The following KIF26B variants were observed in gnomAD, a reference collection of about 807,000 sequenced individuals.
KIF26B encodes the protein kinesin-like protein KIF26B.
In KIF26B, 63 loss-of-function variants were observed where a neutral mutation model predicts 151.2. That is an observed-to-expected ratio of 0.42 (90% CI 0.34 to 0.51). The LOEUF is 0.51. Ranked by LOEUF, KIF26B falls within the 20% of genes least tolerant of loss-of-function variation. The pLI is 0.07. For missense variants in KIF26B, 2,813 were observed against 2,913.6 expected (o/e 0.97, Z 0.79); for synonymous variants, 1,357 against 1,262.1 (o/e 1.08, Z -1.59).
chr1:245,319,167 A>G (rs1671836677), intron 2 of KIF26B, among the ~76,000 whole-genome samples: 1 of 152,226 alleles, frequency 6.6e-6, no homozygotes, highest in Non-Finnish European at 1.5e-5. Context: ...TATACAAGCC[A>G]TGTATATGTG....
intron 2 of KIF26B, among the ~76,000 whole-genome samples, chr1:245,238,288 A>G (rs1051550826): frequency 3.9e-5 from 6 of 152,074 alleles, no homozygotes; most frequent in African/African-American, 1.2e-4. Flanking sequence ...GTGAGCCGAG[A>G]TCGCACCACT....
chr1:245,157,124 C>T (rs1451721608), intron 2 of KIF26B, among the ~76,000 whole-genome samples: 6 of 152,182 alleles, frequency 3.9e-5, no homozygotes, highest in Non-Finnish European at 8.8e-5. Context: ...GTTTGTGGTC[C>T]ATCCTTTCCG....
At chr1:245,620,984 G>A (rs554187933) in intron 9 of KIF26B, among the ~76,000 whole-genome samples, 59 of 152,192 alleles carry the variant, frequency 3.9e-4, no homozygotes, top group African/African-American at 1.4e-3. Context: ...TCTTATGCAG[G>A]TGACCCAGAG....
rs1233138941 is a variant in KIF26B, at chr1:245,393,387, G to T, written c.999+26020G>T. Reference sequence around the variant, plus strand: ...AATATTTTCATTGATCTCTCAGAATGTTTGATACTTGGTTTTGTTTCATTC... The same window carrying T: ...AATATTTTCATTGATCTCTCAGAATTTTTGATACTTGGTTTTGTTTCATTC... On this transcript the variant is annotated intron_variant, in intron 3 of 14. Transcript: ENST00000407071. Among the ~76,000 whole-genome samples the T allele has an allele frequency of 2.0e-5, 3 of 152,118 alleles. 1 individual carries two copies. Among genetic ancestry groups the T allele is most frequent in the Admixed American group, 2.0e-4 (3 of 15,270 alleles).
At chr1:245,163,489 C>A (rs1467883288) in intron 2 of KIF26B, among the ~76,000 whole-genome samples, 2 of 152,142 alleles carry the variant, frequency 1.3e-5, no homozygotes, top group Non-Finnish European at 2.9e-5. Flanking sequence ...TCATGTTTGG[C>A]AGGGCTAGCT....
intron 2 of KIF26B, among the ~76,000 whole-genome samples, chr1:245,165,486 C>T (rs142741614): frequency 5.9e-5 from 9 of 152,224 alleles, no homozygotes; most frequent in South Asian, 2.1e-4. Flanking sequence ...CTCCTGTTGG[C>T]GCTCTAGAGC....
chr1:245,156,720 G>C (rs964756002), intron 2 of KIF26B, 37 bp downstream of exon 2: 6 of 1,352,166 alleles, frequency 4.4e-6, no homozygotes, highest in African/African-American at 1.5e-5. Flanking sequence ...GAGGCGCCGG[G>C]AGGGCGGGGC....
At chr1:245,464,390 T>G (rs933065276) in intron 4 of KIF26B, among the ~76,000 whole-genome samples, 4 of 149,842 alleles carry the variant, frequency 2.7e-5, no homozygotes, top group Non-Finnish European at 3.0e-5. Context: ...TAGGTGTGTG[T>G]GTGTGGGTGT....
intron 2 of KIF26B, chr1:245,353,602 T>C (rs1357868691): frequency 6.6e-6 from 1 of 152,506 alleles, no homozygotes; most frequent in Admixed American, 6.6e-5. Flanking sequence ...TTCGTGGGTG[T>C]GTAATAGTTG....
At position 245,155,211 on chromosome 1, in the gene KIF26B, A is replaced by T. The variant is rs1226085077; in HGVS notation, c.-214A>T. ...ACGAGGAAAAGCATGCTTTGAAGAG[A>T]AGAATAAACCAGCGACCCCAACCCT... On this transcript the variant is annotated 5_prime_UTR_variant, in exon 1 of 15. Coordinates refer to ENST00000407071, the MANE Select transcript of KIF26B (RefSeq NM_018012.4). 2 of 585,016 alleles carry T rather than the reference A, an allele frequency of 3.4e-6. No homozygotes were observed. Among genetic ancestry groups the T allele is most frequent in the Non-Finnish European group, 5.9e-6 (2 of 336,418 alleles). The allele number at this position is 585,016 out of a possible 1,614,324, so 36.2% of individuals were successfully genotyped here.
intron 4 of KIF26B, among the ~76,000 whole-genome samples, chr1:245,463,665 C>T (rs1164328674): frequency 6.6e-6 from 1 of 152,212 alleles, no homozygotes; most frequent in African/African-American, 2.4e-5. Flanking sequence ...CTATTGCCTG[C>T]TGTCCTGTGG....
intron 2 of KIF26B, among the ~76,000 whole-genome samples, chr1:245,234,052 C>T (rs1040393272): frequency 1.4e-4 from 21 of 151,838 alleles, no homozygotes; most frequent in Admixed American, 3.9e-4. Context: ...GGCATGGTGG[C>T]GGGCACCTGT....
intron 9 of KIF26B, among the ~76,000 whole-genome samples, chr1:245,631,431 G>T (rs1031932089): frequency 6.6e-6 from 1 of 152,144 alleles, no homozygotes; most frequent in African/African-American, 2.4e-5. Flanking sequence ...CACGTTTATT[G>T]ATTTGCATAC....
intron 9 of KIF26B, among the ~76,000 whole-genome samples, chr1:245,626,494 G>A (rs1286635013): frequency 6.6e-6 from 1 of 151,610 alleles, no homozygotes; most frequent in South Asian, 2.1e-4. Flanking sequence ...CTGATGATTA[G>A]GGACATTGAA....
chr1:245,313,019 C>T (rs928622906), intron 2 of KIF26B, among the ~76,000 whole-genome samples: 3 of 151,974 alleles, frequency 2.0e-5, no homozygotes, highest in South Asian at 2.1e-4. Flanking sequence ...ATTAGCCAGG[C>T]GTGGTGGTGC....
chr1:245,384,926 C>A (rs1374166924), intron 3 of KIF26B, among the ~76,000 whole-genome samples: 1 of 152,160 alleles, frequency 6.6e-6, no homozygotes, highest in Non-Finnish European at 1.5e-5. Context: ...CACCTCACAT[C>A]TCCCCATACA....
intron 4 of KIF26B, among the ~76,000 whole-genome samples, chr1:245,452,030 C>T (rs545277544): frequency 6.6e-6 from 1 of 152,138 alleles, no homozygotes; most frequent in African/African-American, 2.4e-5. Context: ...GAACTATCAC[C>T]ATTACCTGTT....
rs544125124 is a variant in KIF26B, at chr1:245,260,432, G to T, written c.465+103749G>T. On this transcript the variant is annotated intron_variant, in intron 2 of 14. Coordinates refer to ENST00000407071, the MANE Select transcript of KIF26B (RefSeq NM_018012.4). The stretch of plus-strand genomic sequence containing the variant: ...AAGTGCAGGTCACTTACCTTTTCTG[G>T]GATTCAGGTACCTGTAAGAAGAGAA... Among the ~76,000 whole-genome samples the T allele has an allele frequency of 3.3e-5, 5 of 152,302 alleles. No homozygotes were observed. In the South Asian group the frequency reaches 1.0e-3, roughly 32 times the overall value.
In KIF26B at chr1:245,166,546, C is replaced by G. The variant is rs1449109399; in HGVS notation, c.465+9863C>G. On this transcript the variant is annotated intron_variant, in intron 2 of 14. Transcript: ENST00000407071. The surrounding 1 kb of genome is among the most constrained non-coding windows in gnomAD (Gnocchi z 4.5). ...GGAAATCCCTTCTTTAAGCCCGGCC[C>G]CTCTCGTAGCCCCTCCAGGGAGACT... Among the ~76,000 whole-genome samples the G allele has an allele frequency of 6.6e-6, 1 of 152,174 alleles. No homozygotes were observed. Among genetic ancestry groups the G allele is most frequent in the African/African-American group, 2.4e-5 (1 of 41,420 alleles).
Sources: gnomAD v4.1 joint callset for allele counts (sites outside exome capture counted in the v4.1 genomes callset) on GRCh38, gnomAD v4.1.1 for gene constraint, Gnocchi (gnomAD v3.1) non-coding constraint, MANE v1.5 for transcripts, NCBI Gene and HGNC (gene_info 2026-07-23, HGNC 2026-07-21) for gene names.